The following SENP6 variants were observed in gnomAD, a reference collection of about 807,000 sequenced individuals.
SENP6 encodes the protein sentrin-specific protease 6.
A neutral mutation model predicts 134.5 loss-of-function variants in SENP6; 41 were observed. The ratio of observed to expected loss-of-function variants is 0.30; its 90% confidence interval spans 0.24 to 0.40. The LOEUF is 0.40. Among genes scored for constraint, SENP6 ranks in the 10% least tolerant of loss-of-function variants. SENP6 has a pLI of 1.00. For missense variants in SENP6, 1,248 were observed against 1,312.5 expected (o/e 0.95, Z 0.76); for synonymous variants, 395 against 429.8 (o/e 0.92, Z 1.00).
intron 11 of SENP6, among the ~76,000 whole-genome samples, chr6:75,672,425 G>C (rs1385972036): frequency 6.6e-6 from 1 of 152,054 alleles, no homozygotes; most frequent in African/African-American, 2.4e-5. Flanking sequence ...AAAATAAAAG[G>C]CAGTATATGT....
chr6:75,699,361 T>TGC (rs1445125697), intron 18 of SENP6, among the ~76,000 whole-genome samples: 4 of 122,408 alleles, frequency 3.3e-5, no homozygotes, highest in African/African-American at 1.2e-4. Context: ...TTGCTTTTTT[T>TGC]TTTTTTTTTT....
rs558334463 is a variant in SENP6, at chr6:75,703,657, G to T, written c.2716+585G>T. 2.4e-4 allele frequency among the ~76,000 whole-genome samples: 36 copies of T among 152,246 alleles called. No homozygotes were observed. The South Asian group carries it at 7.5e-3, about 32-fold the overall frequency. ...CCCATCGGTGGTCCCAGCTACTTAG[G>T]AGGTTGAGGAGGGAGGATCGCTTGA... is the stretch of plus-strand genomic sequence containing the variant. On this transcript the variant is annotated intron_variant, in intron 19 of 23. Coordinates refer to ENST00000447266, the MANE Select transcript of SENP6 (RefSeq NM_015571.4).
At chr6:75,668,343 C>T (rs1256546571) in intron 10 of SENP6, among the ~76,000 whole-genome samples, 2 of 151,988 alleles carry the variant, frequency 1.3e-5, no homozygotes, top group Non-Finnish European at 2.9e-5. Context: ...TAGCAAAACA[C>T]TCTAAACACA....
intron 16 of SENP6, among the ~76,000 whole-genome samples, chr6:75,694,382 G>A (rs961133746): frequency 3.3e-5 from 5 of 152,212 alleles, no homozygotes; most frequent in Middle Eastern, 3.4e-3. Flanking sequence ...CTGGATCTTC[G>A]TGGTTTATTA....
At chr6:75,709,898 G>C (rs896520339) in intron 20 of SENP6, among the ~76,000 whole-genome samples, 1 of 152,086 alleles carries the variant, frequency 6.6e-6, no homozygotes, top group African/African-American at 2.4e-5. Context: ...TTCTGAATTT[G>C]GATCATATCT....
At chr6:75,661,716 A>G (rs1771789701) in intron 8 of SENP6, among the ~76,000 whole-genome samples, 1 of 152,144 alleles carries the variant, frequency 6.6e-6, no homozygotes, top group Non-Finnish European at 1.5e-5. Flanking sequence ...TTCCATGTAT[A>G]GTCTCTGAAA....
chr6:75,630,068 C>CTT (rs35109678), intron 3 of SENP6, among the ~76,000 whole-genome samples: 7 of 139,480 alleles, frequency 5.0e-5, no homozygotes, highest in East Asian at 2.1e-4. Context: ...CTTGTGATAA[C>CTT]TTTTTTTTTT....
chr6:75,634,491 G>A (rs1769355329), intron 4 of SENP6, among the ~76,000 whole-genome samples: 1 of 151,898 alleles, frequency 6.6e-6, no homozygotes, highest in African/African-American at 2.4e-5. Flanking sequence ...CAGGTGATCT[G>A]CTATTTTTAA....
intron 3 of SENP6, among the ~76,000 whole-genome samples, chr6:75,624,728 A>G (rs1768535805): frequency 6.6e-6 from 1 of 152,172 alleles, no homozygotes; most frequent in Admixed American, 6.5e-5. Context: ...AATATTATTC[A>G]TAGGAATTAT....
At chr6:75,626,091 G>C (rs1021746300) in intron 3 of SENP6, among the ~76,000 whole-genome samples, 169 of 151,642 alleles carry the variant, frequency 1.1e-3, no homozygotes, top group African/African-American at 3.9e-3. Context: ...GTTTATTTCT[G>C]TTTGGTATTC....
intron 3 of SENP6, among the ~76,000 whole-genome samples, chr6:75,630,977 ACTTTTAT>A (rs1769069168): frequency 6.6e-6 from 1 of 151,880 alleles, no homozygotes; most frequent in Non-Finnish European, 1.5e-5. Context: ...CTTCCAATTT[ACTTTTAT>A]CTTTAGCTCT....
At chr6:75,654,885 T>G (rs549774722) in intron 7 of SENP6, 2 of 152,322 alleles carry the variant, frequency 1.3e-5, no homozygotes, top group Non-Finnish European at 2.9e-5. Flanking sequence ...TAGATATAAT[T>G]AACACTTTTC....
Position 75,663,468 on chromosome 6 carries a change from T to C in SENP6, c.944T>C (p.Ile315Thr), listed in dbSNP as rs779351067. 4.3e-6 allele frequency: 7 copies of C among 1,612,762 alleles called. No homozygotes were observed. The South Asian group carries it at 7.7e-5, about 18-fold the overall frequency. The change falls in exon 9 of 24, where the codon ATC (isoleucine) becomes ACC (threonine). Residue 315 changes from isoleucine (I) to threonine (T), a missense_variant. Ile to Thr is a moderately conservative substitution (Grantham distance 89, BLOSUM62 -1). This residue lies in a region of SENP6 where 733 missense variants were observed against 725.4 expected (regional missense o/e 1.01). Transcript: ENST00000447266. ...VILPGAKIPK[I>T]TNLKERKTSL... ...TTACCTGGGGCAAAAATACCCAAAA[T>C]CACAAACTTGAAAGAAAGGAAAACA...
intron 16 of SENP6, among the ~76,000 whole-genome samples, chr6:75,694,286 A>C (rs1271311586): frequency 6.6e-6 from 1 of 152,218 alleles, no homozygotes; most frequent in Non-Finnish European, 1.5e-5. Flanking sequence ...CCAATGTAAG[A>C]TCACTTTACA....
intron 11 of SENP6, among the ~76,000 whole-genome samples, chr6:75,673,764 T>C (rs995679945): frequency 3.3e-5 from 5 of 152,042 alleles, no homozygotes; most frequent in Admixed American, 2.6e-4. Flanking sequence ...GTGGTGGCTG[T>C]AATCCCAGCA....
At chr6:75,643,339 T>C (rs1324907208) in intron 6 of SENP6, among the ~76,000 whole-genome samples, 1 of 152,068 alleles carries the variant, frequency 6.6e-6, no homozygotes, top group Non-Finnish European at 1.5e-5. Flanking sequence ...AATAACAATG[T>C]GAAAGTAAGT....
chr6:75,693,072 G>A (rs1168084639), intron 16 of SENP6, among the ~76,000 whole-genome samples: 2 of 152,016 alleles, frequency 1.3e-5, no homozygotes, highest in Admixed American at 6.6e-5. Flanking sequence ...TTTTTTTAAG[G>A]TGAATATCCC....
intron 8 of SENP6, among the ~76,000 whole-genome samples, chr6:75,661,212 C>T (rs760620006): frequency 6.6e-6 from 1 of 152,204 alleles, no homozygotes; most frequent in Non-Finnish European, 1.5e-5. Flanking sequence ...TCCCACGTTG[C>T]ATGTTTGTAA....
At chr6:75,610,571 G>C (rs1767369006) in intron 1 of SENP6, among the ~76,000 whole-genome samples, 1 of 152,092 alleles carries the variant, frequency 6.6e-6, no homozygotes. Flanking sequence ...TTAGGGTTTT[G>C]TACTTCCCAG....
Sources: gnomAD v4.1 joint callset for allele counts (sites outside exome capture counted in the v4.1 genomes callset) on GRCh38, gnomAD v4.1.1 for gene constraint, gnomAD v4.1.1 regional missense constraint, MANE v1.5 for transcripts, NCBI Gene and HGNC (gene_info 2026-07-23, HGNC 2026-07-21) for gene names.